Variants in OPRM1 observed in about 807,000 individuals in gnomAD.
OPRM1 encodes mu-type opioid receptor.
Under a neutral mutation model 31.8 loss-of-function variants are expected in OPRM1, and 27 were observed. The ratio of observed to expected loss-of-function variants is 0.85; its 90% CI spans 0.63 to 1.17. OPRM1 has a LOEUF of 1.17. Ranked by LOEUF, OPRM1 falls within the 50% of genes most tolerant of loss-of-function variation. OPRM1 has a pLI of 0.00. For synonymous variants in OPRM1, 196 were observed against 189.9 expected, an observed-to-expected ratio of 1.03 and a Z score of -0.26; for missense variants, 536 against 511.1, an observed-to-expected ratio of 1.05 and a Z score of -0.47.
At chr6:154,033,781 G>A (rs1030124037) in intron 1 of OPRM1, among the ~76,000 whole-genome samples, 28 of 152,210 alleles carry the variant, frequency 1.8e-4, no homozygotes, top group Admixed American at 1.8e-3. Context: ...AGTGTGGTCT[G>A]TGGATTTGTG....
intron 3 of OPRM1, among the ~76,000 whole-genome samples, chr6:154,196,955 T>C (rs1490585334): frequency 6.6e-6 from 1 of 152,226 alleles, no homozygotes; most frequent in Non-Finnish European, 1.5e-5. Flanking sequence ...CAAAAATATT[T>C]CTTTCATTGT....
upstream of OPRM1, among the ~76,000 whole-genome samples, chr6:154,037,364 A>T (rs1779371519): frequency 6.6e-6 from 1 of 151,936 alleles, no homozygotes; most frequent in Admixed American, 6.6e-5. Context: ...AAACTAAAAA[A>T]AAAAAAAAGG....
Position 154,129,438 on chromosome 6 carries a change from G to A in OPRM1, c.*10717G>A, listed in dbSNP as rs1198969391. On this transcript the variant is annotated 3_prime_UTR_variant, in exon 4 of 4. Coordinates refer to ENST00000330432, the MANE Select transcript of OPRM1 (RefSeq NM_000914.5). ...TGCCTGTATTTGGTTTTACTTCCTT[G>A]TTGTTTTTACTGAATATGAAACAAT... Among the ~76,000 whole-genome samples, 3 of 152,154 alleles carry A rather than the reference G, an allele frequency of 2.0e-5. No individual in the cohort carries two copies. In the East Asian group the frequency reaches 5.8e-4, roughly 29 times the overall value.
At chr6:154,113,065 A>T (rs1796508097) in intron 3 of OPRM1, among the ~76,000 whole-genome samples, 1 of 152,252 alleles carries the variant, frequency 6.6e-6, no homozygotes, top group African/African-American at 2.4e-5. Flanking sequence ...AAACAGGAAC[A>T]GTTGGCTACC....
chr6:154,208,982 G>A (rs1241509016), intron 3 of OPRM1, among the ~76,000 whole-genome samples: 1 of 152,166 alleles, frequency 6.6e-6, no homozygotes, highest in East Asian at 1.9e-4. Flanking sequence ...TTCTGAAGAA[G>A]GAGGAACATA....
At chr6:154,066,553 C>G (rs1226728065) in intron 1 of OPRM1, among the ~76,000 whole-genome samples, 1 of 151,332 alleles carries the variant, frequency 6.6e-6, no homozygotes, top group Admixed American at 6.6e-5. Context: ...GAAACCCTAA[C>G]TTTGATGTGA....
intron 3 of OPRM1, among the ~76,000 whole-genome samples, chr6:154,162,950 C>T (rs1184254735): frequency 2.0e-5 from 3 of 152,200 alleles, no homozygotes; most frequent in Non-Finnish European, 2.9e-5. Context: ...CCGGTTCCTA[C>T]CGTAGTCTTC....
At chr6:154,209,131 T>G (rs1006817768) in intron 3 of OPRM1, among the ~76,000 whole-genome samples, 1 of 152,232 alleles carries the variant, frequency 6.6e-6, no homozygotes, top group Non-Finnish European at 1.5e-5. Context: ...ATTAGAATGA[T>G]TAGACTGAAT....
At position 154,186,619 on chromosome 6, in the gene OPRM1, C is replaced by T. The variant is rs369383702; in HGVS notation, c.1165-60074C>T. ...TCGCCCAGGCTGGAGTGCAGTGGTG[C>T]GATCTTGGCTCACTGCAAGCTCCGC... On this transcript the variant is annotated intron_variant, in intron 3 of 3. Coordinates refer to the OPRM1 transcript ENST00000337049. Among the ~76,000 whole-genome samples, 938 of 151,764 alleles carry T rather than the reference C, an allele frequency of 6.2e-3. 10 individuals carry two copies. Among genetic ancestry groups the T allele is most frequent in the African/African-American group, 0.022 (905 of 41,304 alleles).
In OPRM1 at chr6:154,128,684, T is replaced by C. The variant is rs1189745442; in HGVS notation, c.*9963T>C. On this transcript the variant is annotated 3_prime_UTR_variant, in exon 4 of 4. Transcript: ENST00000330432. ...TCATACTGGTTGTTCTCGAACTAGCTGGTTTCCCAGAGACAGCTGGAGACT... is the reference window on the plus strand; with the variant it reads ...TCATACTGGTTGTTCTCGAACTAGCCGGTTTCCCAGAGACAGCTGGAGACT... Among the ~76,000 whole-genome samples, 1 of 152,218 alleles carries C rather than the reference T, an allele frequency of 6.6e-6. No individual in the cohort carries two copies. Among genetic ancestry groups the C allele is most frequent in the Non-Finnish European group, 1.5e-5 (1 of 68,030 alleles).
rs1797487234 is a variant in OPRM1, at chr6:154,124,696, A to G, written c.*5975A>G. Among the ~76,000 whole-genome samples, 1 of 152,230 alleles carries G rather than the reference A, an allele frequency of 6.6e-6. No homozygotes were observed. Among genetic ancestry groups the G allele is most frequent in the South Asian group, 2.1e-4 (1 of 4,834 alleles). ...ATACATTAATATGCTCCTGGAACAT[A>G]CTACTGGGTCTCAGACAGTGCAGAA... On this transcript the variant is annotated 3_prime_UTR_variant, in exon 4 of 4. Coordinates refer to ENST00000330432, the MANE Select transcript of OPRM1 (RefSeq NM_000914.5).
intron 3 of OPRM1, among the ~76,000 whole-genome samples, chr6:154,244,688 C>T (rs1426377750): frequency 1.3e-5 from 2 of 152,322 alleles, no homozygotes; most frequent in East Asian, 3.9e-4. Flanking sequence ...GCTGAATGAG[C>T]TGATGAGGCC....
intron 3 of OPRM1, among the ~76,000 whole-genome samples, chr6:154,207,633 G>T (rs1199057136): frequency 6.6e-6 from 1 of 152,066 alleles, no homozygotes; most frequent in Non-Finnish European, 1.5e-5. Context: ...GAACTCTGGG[G>T]CTCAAGCCAT....
intron 3 of OPRM1, among the ~76,000 whole-genome samples, chr6:154,210,979 T>C (rs559887435): frequency 1.3e-5 from 2 of 152,274 alleles, no homozygotes; most frequent in Admixed American, 1.3e-4. Flanking sequence ...ATCCAGGAAC[T>C]TGCAAAACAC....
At chr6:154,181,245 TA>T (rs1800841671) in intron 3 of OPRM1, among the ~76,000 whole-genome samples, 1 of 152,226 alleles carries the variant, frequency 6.6e-6, no homozygotes, top group Admixed American at 6.5e-5. Flanking sequence ...AACATTGGCA[TA>T]GTATAATTTG....
intron 3 of OPRM1, chr6:154,107,873 C>G: frequency 1.5e-6 from 1 of 683,428 alleles, no homozygotes; most frequent in Admixed American, 2.4e-5. Flanking sequence ...CCTCATAACA[C>G]AAAATACACC....
chr6:154,219,870 T>C (rs1484215166), intron 3 of OPRM1, among the ~76,000 whole-genome samples: 1 of 152,182 alleles, frequency 6.6e-6, no homozygotes, highest in African/African-American at 2.4e-5. Flanking sequence ...GCTTCCCGAC[T>C]TTCTACAGTA....
At chr6:154,155,838 A>G (rs961896997) in intron 3 of OPRM1, 2 of 152,240 alleles carry the variant, frequency 1.3e-5, no homozygotes, top group African/African-American at 4.8e-5. Flanking sequence ...GAATTTAAAC[A>G]TGTCTTAAAT....
At chr6:154,155,142 A>G (rs1228768989) in intron 3 of OPRM1, 2 of 152,208 alleles carry the variant, frequency 1.3e-5, no homozygotes, top group African/African-American at 4.8e-5. Context: ...GCCCCACGAC[A>G]CAGAGAAACG....
Sources: allele counts gnomAD v4.1 joint callset (sites outside exome capture counted in the v4.1 genomes callset), GRCh38; gene constraint gnomAD v4.1.1; transcripts MANE v1.5; gene names NCBI Gene and HGNC (gene_info 2026-07-23, HGNC 2026-07-21).